Variants in PAPOLA observed in about 807,000 individuals in gnomAD.
PAPOLA encodes poly(A) polymerase alpha, also known as polynucleotide adenylyltransferase alpha.
Under a neutral mutation model 100.6 loss-of-function variants are expected in PAPOLA, and 15 were observed. The ratio of observed to expected loss-of-function variants is 0.15; its 90% CI spans 0.10 to 0.23. The LOEUF (loss-of-function observed/expected upper bound fraction) is 0.23, where lower values mean the gene tolerates loss of function less well. Among genes scored for constraint, PAPOLA ranks in the 10% least tolerant of loss-of-function variants. PAPOLA has a pLI of 1.00. For synonymous variants in PAPOLA, 293 were observed against 300.0 expected, an observed-to-expected ratio of 0.98 and a Z score of 0.24; for missense variants, 533 against 884.2, an observed-to-expected ratio of 0.60 and a Z score of 5.04.
intron 1 of PAPOLA, among the ~76,000 whole-genome samples, chr14:96,505,644 G>A (rs1896658173): frequency 1.3e-5 from 2 of 152,258 alleles, no homozygotes; most frequent in South Asian, 2.1e-4. Context: ...AGCAGAACTG[G>A]TACCTGCTGG....
chr14:96,511,655 T>C (rs1281925520), intron 1 of PAPOLA, among the ~76,000 whole-genome samples: 1 of 152,240 alleles, frequency 6.6e-6, no homozygotes, highest in Admixed American at 6.5e-5. Flanking sequence ...GAGATTGTCA[T>C]TGAAAACAGA....
Position 96,530,355 on chromosome 14 carries a change from G to A in PAPOLA, c.496-1120G>A, listed in dbSNP as rs138302720. 1.3e-4 allele frequency among the ~76,000 whole-genome samples: 19 copies of A among 144,260 alleles called. No individual in the cohort carries two copies. The East Asian group carries it at 3.8e-3, about 29-fold the overall frequency. 94.6% of individuals were successfully genotyped at this position (144,260 alleles called of 152,430 possible). ...CAGGTATTTGTACATTTCCATTTCT[G>A]TTTTAAAAATATTGCCATGTTTGTT... On this transcript the variant is annotated intron_variant, in intron 6 of 21. Coordinates refer to ENST00000216277, the MANE Select transcript of PAPOLA (RefSeq NM_032632.5).
chr14:96,534,792 G>T, intron 10 of PAPOLA: 1 of 1,278,682 alleles, frequency 7.8e-7, no homozygotes. Context: ...TTTTAATACA[G>T]ATTTTACTAA....
At position 96,551,429 on chromosome 14, in the gene PAPOLA, C is replaced by G. The variant is rs974165572; in HGVS notation, c.1522-1051C>G. 2.0e-5 allele frequency among the ~76,000 whole-genome samples: 3 copies of G among 152,192 alleles called. No homozygotes were observed. The East Asian group carries it at 5.8e-4, about 29-fold the overall frequency. ...CTTCATAAGCAAATGGCATTACTCT[C>G]TCTTCCTCTCCTTTCTACCAAATCT... On this transcript the variant is annotated intron_variant, in intron 16 of 21. Transcript: ENST00000216277.
At position 96,544,200 on chromosome 14, in the gene PAPOLA, A is replaced by G. The variant is rs866775794; in HGVS notation, c.1341A>G (p.Glu447=). Residue 447 remains glutamate, a synonymous_variant, in exon 15 of 22, where the codon GAA becomes GAG. Coordinates refer to ENST00000216277, the MANE Select transcript of PAPOLA (RefSeq NM_032632.5). The part of the protein sequence containing the change: ...WVIGLVFKKT[E]NSENLSVDLT... ...TTGGGTTAGTGTTTAAAAAAACAGA[A>G]AACTCTGAAAACCTCAGTGTTGATC... is the stretch of plus-strand genomic sequence containing the variant. 1 of 1,610,232 alleles carries G rather than the reference A, an allele frequency of 6.2e-7. No individual in the cohort carries two copies. Among genetic ancestry groups the G allele is most frequent in the East Asian group, 2.2e-5 (1 of 44,820 alleles).
intron 19 of PAPOLA, among the ~76,000 whole-genome samples, chr14:96,558,428 C>G (rs1180373795): frequency 6.6e-6 from 1 of 152,068 alleles, no homozygotes. Context: ...ATTTGGTTTT[C>G]TTTATGTTAA....
At chr14:96,504,081 T>TA (rs1896539392) in intron 1 of PAPOLA, among the ~76,000 whole-genome samples, 2 of 152,332 alleles carry the variant, frequency 1.3e-5, no homozygotes, top group East Asian at 3.9e-4. Context: ...GAACTGAGTC[T>TA]AAGCAAGATT....
intron 1 of PAPOLA, among the ~76,000 whole-genome samples, chr14:96,506,096 G>T (rs902579887): frequency 2.6e-5 from 4 of 152,090 alleles, no homozygotes; most frequent in African/African-American, 9.7e-5. Context: ...TAGAGACGAG[G>T]TTTCACCATG....
At chr14:96,552,924 T>C in intron 17 of PAPOLA, 1 of 283,248 alleles carries the variant, frequency 3.5e-6, no homozygotes, top group Non-Finnish European at 6.7e-6. Flanking sequence ...CTGTATGGTG[T>C]GCTGATGAGA....
At chr14:96,540,277 G>A (rs1423553602) in intron 12 of PAPOLA, among the ~76,000 whole-genome samples, 1 of 152,170 alleles carries the variant, frequency 6.6e-6, no homozygotes, top group Non-Finnish European at 1.5e-5. Context: ...TAGAGACTGC[G>A]GGAGTTTTGT....
chr14:96,503,103 C>T (rs1174263023), intron 1 of PAPOLA: 1 of 155,592 alleles, frequency 6.4e-6, no homozygotes, highest in Admixed American at 6.5e-5. Context: ...AGATGCCTGT[C>T]TTGTGCGCCG....
chr14:96,528,412 G>T (rs1898684200), intron 6 of PAPOLA, among the ~76,000 whole-genome samples: 1 of 152,152 alleles, frequency 6.6e-6, no homozygotes, highest in South Asian at 2.1e-4. Context: ...TCCGATAGGG[G>T]AGGATTTATG....
chr14:96,502,420 A>G lies in PAPOLA; in HGVS notation c.-173A>G, dbSNP rs746385844. 2.8e-6 allele frequency: 2 copies of G among 702,380 alleles called. No homozygotes were observed. Among genetic ancestry groups the G allele is most frequent in the South Asian group, 3.0e-5 (2 of 66,744 alleles). The allele number at this position is 702,380 out of a possible 1,614,324, so 43.5% of individuals were successfully genotyped here. ...GGTAGCGCTCGGGCGCCATGTTAGGACGAAGGGGAAGGAGGAGAAGCGCTT... is the reference window on the plus strand; with the variant it reads ...GGTAGCGCTCGGGCGCCATGTTAGGGCGAAGGGGAAGGAGGAGAAGCGCTT... On this transcript the variant is annotated 5_prime_UTR_variant, in exon 1 of 22. Transcript: ENST00000216277.
chr14:96,541,893 T>A (rs190027441), intron 12 of PAPOLA: 79 of 163,828 alleles, frequency 4.8e-4, no homozygotes, highest in Admixed American at 1.6e-3. Flanking sequence ...TATTGAAACA[T>A]TTTTGTTATA....
chr14:96,527,777 AC>A, intron 5 of PAPOLA, 175 bp from the exon 6 acceptor site: 1 of 638,750 alleles, frequency 1.6e-6, no homozygotes. Context: ...CCACAATCAT[AC>A]ATCTGATGAG....
chr14:96,559,573 C>A (rs1302312682), intron 19 of PAPOLA, among the ~76,000 whole-genome samples: 46 of 116,628 alleles, frequency 3.9e-4, no homozygotes, highest in Admixed American at 8.9e-4. Context: ...CTCTCTCTCT[C>A]TCTCTCTCTA....
chr14:96,552,632 A>C lies in PAPOLA; in HGVS notation c.1664+10A>C, dbSNP rs763130698. 1.9e-6 allele frequency: 3 copies of C among 1,609,608 alleles called. No homozygotes were observed. Among genetic ancestry groups the C allele is most frequent in the Non-Finnish European group, 2.5e-6 (3 of 1,178,120 alleles). On this transcript the variant is annotated intron_variant, in intron 17 of 21. Transcript: ENST00000216277. ...CTGGCAGCTCTCAGGGGTAAGGAAA[A>C]AGAGGGAAATAGAAGTGGAGGGGCT... is the stretch of plus-strand genomic sequence containing the variant.
chr14:96,543,194 A>C (rs1320319297), intron 14 of PAPOLA, among the ~76,000 whole-genome samples: 1 of 151,808 alleles, frequency 6.6e-6, no homozygotes, highest in African/African-American at 2.4e-5. Flanking sequence ...CCTTCTTAAT[A>C]TTTTTTCTTC....
At chr14:96,544,474 G>T (rs567203433) in intron 15 of PAPOLA, among the ~76,000 whole-genome samples, 1 of 152,032 alleles carries the variant, frequency 6.6e-6, no homozygotes, top group Non-Finnish European at 1.5e-5. Flanking sequence ...TCAGATTTTG[G>T]AATATTTACA....
Sources: allele counts gnomAD v4.1 joint callset (sites outside exome capture counted in the v4.1 genomes callset), GRCh38; gene constraint gnomAD v4.1.1; transcripts MANE v1.5; gene names NCBI Gene and HGNC (gene_info 2026-07-23, HGNC 2026-07-21).